Variants in ITGAM observed in about 807,000 individuals in gnomAD.
ITGAM encodes integrin subunit alpha M.
Under a neutral mutation model 137.5 loss-of-function variants are expected in ITGAM, and 79 were observed. That is an observed-to-expected ratio of 0.57 (90% CI 0.48 to 0.69). ITGAM has a LOEUF of 0.69. Among genes scored for constraint, ITGAM ranks in the 30% least tolerant of loss-of-function variants. The pLI is 0.00. For synonymous variants in ITGAM, 583 were observed against 592.3 expected (o/e 0.98, Z 0.23); for missense variants, 1,343 against 1,483.5 (o/e 0.91, Z 1.56).
chr16:31,318,763 T>C (rs1054255034), intron 14 of ITGAM, among the ~76,000 whole-genome samples: 1 of 152,188 alleles, frequency 6.6e-6, no homozygotes, highest in African/African-American at 2.4e-5. Flanking sequence ...TAACTTTAGG[T>C]TTAGTTTGTT....
Position 31,297,653 on chromosome 16 carries a change from G to C in ITGAM, c.1496G>C (p.Gly499Ala). 1 of 1,612,474 alleles carries C rather than the reference G, an allele frequency of 6.2e-7. No individual in the cohort carries two copies. The highest frequency in any genetic ancestry group is 8.5e-7 in the Non-Finnish European group (1 of 1,179,480). ...GTGTCCGTGTGCCCCTTGCCCAGGGGGGTGAGTGGCAATGGGACCTGGGCT... is the reference window on the plus strand; with the variant it reads ...GTGTCCGTGTGCCCCTTGCCCAGGGCGGTGAGTGGCAATGGGACCTGGGCT... ...GQVSVCPLPRGRARWQCDAVL... is the reference protein window; with the variant it reads ...GQVSVCPLPRARARWQCDAVL... Residue 499 changes from glycine to alanine, a missense_variant and splice_region_variant, in exon 13 of 30, where the codon GGG becomes GCG. Coordinates refer to ENST00000544665, the MANE Select transcript of ITGAM (RefSeq NM_000632.4).
intron 12 of ITGAM, among the ~76,000 whole-genome samples, chr16:31,293,939 T>C (rs1268797148): frequency 6.6e-6 from 1 of 152,168 alleles, no homozygotes; most frequent in East Asian, 1.9e-4. Context: ...ATTCTCACTG[T>C]ACAGATCTTT....
rs1178315225 is a variant in ITGAM, at chr16:31,318,024, T to A, written c.1708-3217T>A. ...ATTTAAATGTTTGGTTGGTAGAATT[T>A]GCCTGAGAAGCCACCAGGTCCTGGG... On this transcript the variant is annotated intron_variant, in intron 14 of 29. Coordinates refer to ENST00000544665, the MANE Select transcript of ITGAM (RefSeq NM_000632.4). 2.6e-5 allele frequency among the ~76,000 whole-genome samples: 4 copies of A among 152,184 alleles called. No individual in the cohort carries two copies. The South Asian group carries it at 8.3e-4, about 31-fold the overall frequency.
chr16:31,261,545 T>A, intron 1 of ITGAM, 147 bp from the exon 2 acceptor site: 2 of 479,308 alleles, frequency 4.2e-6, no homozygotes, highest in Non-Finnish European at 3.8e-6. Flanking sequence ...TGAGATAGGA[T>A]CTCTCTCTGT....
intron 11 of ITGAM, among the ~76,000 whole-genome samples, chr16:31,277,744 C>G (rs574149357): frequency 2.2e-4 from 33 of 152,234 alleles, no homozygotes; most frequent in South Asian, 4.1e-4. Flanking sequence ...CCGCCTGTCT[C>G]GGACTCCCAA....
Position 31,331,927 on chromosome 16 carries a change from G to T in ITGAM, c.*220G>T. On this transcript the variant is annotated 3_prime_UTR_variant, in exon 30 of 30. Transcript: ENST00000544665. ...CGTGTGCGTGCATGTGCACTTGCAC[G>T]CCCATGTGTGAGTGTGTGCAAGTAT... 1.8e-6 allele frequency: 1 copy of T among 566,154 alleles called. No homozygotes were observed. The highest frequency in any genetic ancestry group is 2.2e-5 in the South Asian group (1 of 46,378). The allele number at this position is 566,154 out of a possible 1,614,324, so 35.1% of individuals were successfully genotyped here. A position where few individuals can be genotyped will look rare whatever the true frequency, so the allele number is the denominator to read the frequency against.
intron 12 of ITGAM, among the ~76,000 whole-genome samples, chr16:31,287,855 G>A (rs1009402607): frequency 6.6e-6 from 1 of 152,100 alleles, no homozygotes; most frequent in African/African-American, 2.4e-5. Context: ...GAGGAATTAC[G>A]GGAAGTCAAG....
intron 24 of ITGAM, 26 bp from the exon 25 acceptor site, chr16:31,329,772 C>T: frequency 6.5e-7 from 1 of 1,537,852 alleles, no homozygotes; most frequent in Non-Finnish European, 8.8e-7. Flanking sequence ...AAGGCCAGAG[C>T]CCTGACCCCG....
At chr16:31,260,138 C>G (rs1334569437) in intron 1 of ITGAM, 46 bp downstream of exon 1, 1 of 1,383,960 alleles carries the variant, frequency 7.2e-7, no homozygotes. Context: ...AGGAGGGTAA[C>G]TTTTGGGTCT....
intron 14 of ITGAM, among the ~76,000 whole-genome samples, chr16:31,306,941 AATT>A (rs1376869997): frequency 6.6e-6 from 1 of 152,034 alleles, no homozygotes; most frequent in Admixed American, 6.6e-5. Flanking sequence ...TTTTCAATAT[AATT>A]ATTAATTGTT....
At chr16:31,292,925 T>C (rs1018574491) in intron 12 of ITGAM, among the ~76,000 whole-genome samples, 24 of 152,020 alleles carry the variant, frequency 1.6e-4, no homozygotes, top group African/African-American at 5.3e-4. Flanking sequence ...CACCAGCATC[T>C]ATTTTTTAAC....
At chr16:31,277,359 ATT>A (rs10647928) in intron 11 of ITGAM, among the ~76,000 whole-genome samples, 1 of 137,032 alleles carries the variant, frequency 7.3e-6, no homozygotes, top group African/African-American at 2.7e-5. Flanking sequence ...CCCCTGGCTA[ATT>A]TTTTTTTTTT....
At chr16:31,315,359 A>G (rs2080379773) in intron 14 of ITGAM, among the ~76,000 whole-genome samples, 1 of 152,112 alleles carries the variant, frequency 6.6e-6, no homozygotes, top group Non-Finnish European at 1.5e-5. Flanking sequence ...CATTGCCCAG[A>G]CCAATGTCAT....
intron 12 of ITGAM, among the ~76,000 whole-genome samples, chr16:31,290,016 G>A (rs2080070641): frequency 6.6e-6 from 1 of 150,498 alleles, no homozygotes; most frequent in South Asian, 2.1e-4. Context: ...GGGAGGCAGA[G>A]GTTATGGTGA....
At chr16:31,303,663 CT>C (rs1222408202) in intron 14 of ITGAM, among the ~76,000 whole-genome samples, 1 of 152,146 alleles carries the variant, frequency 6.6e-6, no homozygotes, top group Non-Finnish European at 1.5e-5. Context: ...TCTTTGCATC[CT>C]TATAGTTTAG....
intron 14 of ITGAM, among the ~76,000 whole-genome samples, chr16:31,307,535 A>C (rs1597019641): frequency 6.6e-6 from 1 of 152,320 alleles, no homozygotes; most frequent in East Asian, 1.9e-4. Flanking sequence ...TATCAGCTTA[A>C]GGAGATTTTG....
rs200310130 is a variant in ITGAM at position 31,270,775 on chromosome 16, TAC to T, written c.428-172_428-171del. Among the ~76,000 whole-genome samples the T allele has an allele frequency of 8.7e-4, 118 of 136,036 alleles. 1 individual carries two copies. The highest frequency in any genetic ancestry group is 4.3e-3 in the East Asian group (20 of 4,678). The allele number at this position is 136,036 out of a possible 152,430, so 89.2% of individuals were successfully genotyped here. ...TAACGTGTGTATACATATATATATA[TAC>T]ACACACGTTAAAAATTATATATATA... On this transcript the variant is annotated intron_variant, in intron 5 of 29. Transcript: ENST00000544665.
chr16:31,328,196 C>T lies in ITGAM; in HGVS notation c.2758C>T (p.Pro920Ser), dbSNP rs781022092. The change falls in exon 23 of 30, where the codon CCG becomes TCG. Residue 920 changes from proline to serine, a missense_variant. Transcript: ENST00000544665. ...CAAAACCGAATTCCAACTGGAGCTG[C>T]CGGTGAAATATGCTGTCTACATGGT... The part of the protein sequence containing the change: ...TNKTEFQLEL[P>S]VKYAVYMVVT... 13 of 1,613,812 alleles carry T rather than the reference C, an allele frequency of 8.1e-6. No homozygotes were observed. The highest frequency in any genetic ancestry group is 1.6e-4 in the Middle Eastern group (1 of 6,084).
At chr16:31,266,852 G>T (rs1030017946) in intron 5 of ITGAM, among the ~76,000 whole-genome samples, 14 of 151,596 alleles carry the variant, frequency 9.2e-5, no homozygotes, top group Middle Eastern at 3.2e-3. Flanking sequence ...GATTCTGAGT[G>T]ACTGTATGGA....
Sources: gnomAD v4.1 joint callset for allele counts (sites outside exome capture counted in the v4.1 genomes callset) on GRCh38, gnomAD v4.1.1 for gene constraint, MANE v1.5 for transcripts, NCBI Gene and HGNC (gene_info 2026-07-23, HGNC 2026-07-21) for gene names.